The following NAB1 variants were observed in gnomAD, a reference collection of about 807,000 sequenced individuals.
The protein encoded by NAB1 is NGFI-A-binding protein 1.
A neutral mutation model predicts 49.9 loss-of-function variants in NAB1; 25 were observed. That is an observed-to-expected ratio of 0.50 (90% CI 0.37 to 0.70). NAB1 has a LOEUF of 0.70. Ranked by LOEUF, NAB1 falls within the 30% of genes least tolerant of loss-of-function variation. The probability of loss-of-function intolerance (pLI) is 0.00; values close to 1 mark genes in which losing one functional copy is unlikely to be tolerated. For missense variants in NAB1, 489 were observed against 575.9 expected (o/e 0.85, Z 1.54); for synonymous variants, 198 against 215.6 (o/e 0.92, Z 0.71).
chr2:190,659,081 C>T lies in NAB1; in HGVS notation c.-19-77C>T, dbSNP rs1574424474. 2 of 939,980 alleles carry T rather than the reference C, an allele frequency of 2.1e-6. No individual in the cohort carries two copies. Among genetic ancestry groups the T allele is most frequent in the East Asian group, 5.2e-5 (2 of 38,426 alleles). The allele number at this position is 939,980 out of a possible 1,614,324, so 58.2% of individuals were successfully genotyped here. On this transcript the variant is annotated intron_variant, in intron 3 of 9. Transcript: ENST00000337386. The surrounding 1 kb of genome is among the most constrained non-coding windows in gnomAD (Gnocchi z 6.2). ...TGCTTCTCGTTTTTGTTCTTAAAAC[C>T]TGTAGTGTAACCTATTTGGTGTAAG...
At position 190,678,021 on chromosome 2, in the gene NAB1, C is replaced by G. The variant is rs1032121219; in HGVS notation, c.1005+4869C>G. Among the ~76,000 whole-genome samples the G allele has an allele frequency of 6.6e-6, 1 of 152,094 alleles. No individual in the cohort carries two copies. Among genetic ancestry groups the G allele is most frequent in the Non-Finnish European group, 1.5e-5 (1 of 68,020 alleles). ...AGAAATGTTATGTAGTAAACAGTTA[C>G]AAGTTTTGAGTAGAAAATTTAACAA... On this transcript the variant is annotated intron_variant, in intron 6 of 9. Transcript: ENST00000337386. The surrounding 1 kb of genome is among the most constrained non-coding windows in gnomAD (Gnocchi z 4.9).
At chr2:190,664,021 T>C (rs1247983606) in intron 4 of NAB1, among the ~76,000 whole-genome samples, 1 of 152,214 alleles carries the variant, frequency 6.6e-6, no homozygotes, top group Non-Finnish European at 1.5e-5. Context: ...TTATGATTCA[T>C]TTTGTGGTCT....
intron 3 of NAB1, among the ~76,000 whole-genome samples, chr2:190,658,595 T>C (rs963021067): frequency 3.9e-5 from 6 of 152,214 alleles, no homozygotes; most frequent in Non-Finnish European, 7.3e-5. Flanking sequence ...ATTAACACCT[T>C]CTATTTCTCA....
At chr2:190,662,502 C>T (rs1460900744) in intron 4 of NAB1, among the ~76,000 whole-genome samples, 3 of 151,890 alleles carry the variant, frequency 2.0e-5, no homozygotes, top group Admixed American at 6.6e-5. Flanking sequence ...TAGAACCACA[C>T]ACCTTGCTGG....
intron 5 of NAB1, among the ~76,000 whole-genome samples, chr2:190,672,643 C>T (rs930360448): frequency 1.6e-4 from 25 of 151,920 alleles, no homozygotes; most frequent in African/African-American, 5.8e-4. Flanking sequence ...GGATATCCTC[C>T]TTGATTTTTT....
intron 5 of NAB1, among the ~76,000 whole-genome samples, chr2:190,672,348 T>G (rs909211368): frequency 4.6e-5 from 7 of 152,242 alleles, no homozygotes; most frequent in Non-Finnish European, 8.8e-5. Flanking sequence ...TCTTTTATAT[T>G]GAAGTATAAC....
rs189215080 is a variant in NAB1 at position 190,649,795 on chromosome 2, A to G, written c.-333-51A>G. 6 of 152,024 alleles carry G rather than the reference A, an allele frequency of 3.9e-5. No homozygotes were observed. Among genetic ancestry groups the G allele is most frequent in the African/African-American group, 1.4e-4 (6 of 41,412 alleles). 9.4% of individuals were successfully genotyped at this position (152,024 alleles called of 1,614,324 possible). On this transcript the variant is annotated intron_variant, in intron 1 of 9. Coordinates refer to ENST00000337386, the MANE Select transcript of NAB1 (RefSeq NM_005966.4). The surrounding 1 kb of genome is among the most constrained non-coding windows in gnomAD (Gnocchi z 6.1). Reference sequence around the variant, plus strand: ...TAAAAGTGCTGCACTTACCGTCTCGATTTTCTTCTTGGGTATCTTCCCTTT... The same window carrying G: ...TAAAAGTGCTGCACTTACCGTCTCGGTTTTCTTCTTGGGTATCTTCCCTTT...
intron 5 of NAB1, among the ~76,000 whole-genome samples, chr2:190,672,824 T>A (rs1489015336): frequency 6.7e-6 from 1 of 149,630 alleles, no homozygotes; most frequent in Non-Finnish European, 1.5e-5. Context: ...AAAAAAAAAA[T>A]TATTGAGTGG....
At chr2:190,687,373 T>C (rs1290943792) in intron 9 of NAB1, 56 bp downstream of exon 9, 1 of 850,966 alleles carries the variant, frequency 1.2e-6, no homozygotes, top group Non-Finnish European at 1.8e-6. Context: ...ATCTTTAAAT[T>C]CTGTTCTATT....
intron 6 of NAB1, among the ~76,000 whole-genome samples, chr2:190,683,036 G>A (rs1209530424): frequency 6.6e-6 from 1 of 152,110 alleles, no homozygotes; most frequent in Non-Finnish European, 1.5e-5. Flanking sequence ...AATAAAAAAT[G>A]TCCAATGCGA....
chr2:190,671,633 T>C (rs905340386), intron 5 of NAB1, among the ~76,000 whole-genome samples: 1 of 152,116 alleles, frequency 6.6e-6, no homozygotes, highest in African/African-American at 2.4e-5. Flanking sequence ...GTTCAAGAAG[T>C]TGTATAACAT....
rs1346614520 is a variant in NAB1 at position 190,690,310 on chromosome 2, A to AGAAAGTCAT, written c.1441_1442insGAAAGTCAT (p.Thr481delinsArgLysSerSer). ...TACCTTAGAAAAGAAAGTCATCAAA[A>AGAAAGTCAT]CAGAGCCTGAAGATTCAAGATAGCT... On this transcript the variant is annotated protein_altering_variant, in exon 10 of 10. Coordinates refer to ENST00000337386, the MANE Select transcript of NAB1 (RefSeq NM_005966.4). 6.2e-7 allele frequency: 1 copy of AGAAAGTCAT among 1,612,162 alleles called. No homozygotes were observed. The highest frequency in any genetic ancestry group is 8.5e-7 in the Non-Finnish European group (1 of 1,178,850).
In NAB1 at chr2:190,652,702, A is replaced by G. The variant is rs914377890; in HGVS notation, c.-197+2720A>G. On this transcript the variant is annotated intron_variant, in intron 2 of 9. Transcript: ENST00000337386. This position sits in a 1 kb window ranked among gnomAD's most constrained non-coding sequence, Gnocchi z 4.2. ...AAGATCCAGAAGTATCTTGACTTAT[A>G]TGGTACACCACTGAATGCTTACTAA... is the stretch of plus-strand genomic sequence containing the variant. Among the ~76,000 whole-genome samples the G allele has an allele frequency of 2.0e-5, 3 of 152,246 alleles. No individual in the cohort carries two copies. Among genetic ancestry groups the G allele is most frequent in the African/African-American group, 7.2e-5 (3 of 41,464 alleles).
Position 190,659,434 on chromosome 2 carries a change from G to C in NAB1, c.258G>C (p.Leu86=). Residue 86 remains leucine (L), a synonymous_variant, in exon 4 of 10, where the codon CTG becomes CTC. Transcript: ENST00000337386. The surrounding 1 kb of genome is among the most constrained non-coding windows in gnomAD (Gnocchi z 6.2). ...VTNPGLFNQP[L]TSLPVSSIPI... is the part of the protein sequence containing the mutation. ...ACCCTGGGCTTTTCAATCAGCCACT[G>C]ACTTCCCTTCCTGTCAGTAGCATAC... 1.9e-6 allele frequency: 3 copies of C among 1,614,178 alleles called. No individual in the cohort carries two copies. The highest frequency in any genetic ancestry group is 2.5e-6 in the Non-Finnish European group (3 of 1,180,034).
In NAB1 at chr2:190,687,250, C is replaced by G. The variant is rs1373988596; in HGVS notation, c.1308C>G (p.Pro436=). The change falls in exon 9 of 10, where the codon CCC becomes CCG. Residue 436 remains proline, a synonymous_variant. Coordinates refer to ENST00000337386, the MANE Select transcript of NAB1 (RefSeq NM_005966.4). Reference sequence around the variant, plus strand: ...TGCCTAATTTACAGAACAGACAACCCCATCATTTTGTGGTGGATGGGGAGC... The same window carrying G: ...TGCCTAATTTACAGAACAGACAACCGCATCATTTTGTGGTGGATGGGGAGC... ...LRMPNLQNRQ[P]HHFVVDGELS... is the part of the protein sequence containing the mutation. 2 of 1,598,372 alleles carry G rather than the reference C, an allele frequency of 1.3e-6. No homozygotes were observed. Among genetic ancestry groups the G allele is most frequent in the Non-Finnish European group, 8.5e-7 (1 of 1,175,726 alleles).
chr2:190,672,678 T>G (rs1260857412), intron 5 of NAB1, among the ~76,000 whole-genome samples: 1 of 152,164 alleles, frequency 6.6e-6, no homozygotes. Context: ...GATCATTAAA[T>G]ATTTATTAAG....
chr2:190,655,387 G>C (rs1693866193), intron 2 of NAB1, among the ~76,000 whole-genome samples: 1 of 152,120 alleles, frequency 6.6e-6, no homozygotes, highest in African/African-American at 2.4e-5. Context: ...TAAAGCCTGG[G>C]AATGGGTGAG....
At position 190,690,246 on chromosome 2, in the gene NAB1, G is replaced by C. The variant is rs768344956; in HGVS notation, c.1377G>C (p.Glu459Asp). ...YPSEAKSHSSESLGILKDYPH... is the reference protein window; with the variant it reads ...YPSEAKSHSSDSLGILKDYPH... ...CACTTTGTTTCCATTTTTATGTAGA[G>C]AGCCTTGGGATTTTAAAAGACTACC... Residue 459 changes from glutamate to aspartate, a missense_variant and splice_region_variant, in exon 10 of 10, where the codon GAG (glutamate) becomes GAC (aspartate). By Grantham distance (45) the Glu-to-Asp change is conservative (BLOSUM62 2). Around this residue, in one of 4 missense-constraint regions of NAB1, gnomAD observed 212 missense variants for 199.3 expected, o/e 1.06. Transcript: ENST00000337386. 15 of 1,605,012 alleles carry C rather than the reference G, an allele frequency of 9.3e-6. No homozygotes were observed. Among genetic ancestry groups the C allele is most frequent in the Non-Finnish European group, 1.3e-5 (15 of 1,172,610 alleles).
chr2:190,690,031 A>G (rs1695870862), intron 9 of NAB1, among the ~76,000 whole-genome samples: 2 of 149,970 alleles, frequency 1.3e-5, no homozygotes, highest in Non-Finnish European at 1.5e-5. Context: ...TATGTATACT[A>G]TATGTATACA....
Sources: gnomAD v4.1 joint callset for allele counts (sites outside exome capture counted in the v4.1 genomes callset) on GRCh38, gnomAD v4.1.1 for gene constraint, gnomAD v4.1.1 regional missense constraint, Gnocchi (gnomAD v3.1) non-coding constraint, MANE v1.5 for transcripts, NCBI Gene and HGNC (gene_info 2026-07-23, HGNC 2026-07-21) for gene names.